The following PCDH9 variants were observed in gnomAD, a reference collection of about 807,000 sequenced individuals.
PCDH9 encodes the protein protocadherin 9.
A neutral mutation model predicts 70.6 loss-of-function variants in PCDH9; 24 were observed. The observed-to-expected ratio is 0.34, with a 90% CI of 0.25 to 0.48. The LOEUF (loss-of-function observed/expected upper bound fraction) is 0.48. Among genes scored for constraint, PCDH9 ranks in the 20% least tolerant of loss-of-function variants. The probability of loss-of-function intolerance (pLI) is 0.99; values close to 1 mark genes in which losing one functional copy is unlikely to be tolerated. For missense variants in PCDH9, 1,281 were observed against 1,503.6 expected, an observed-to-expected ratio of 0.85 and a Z score of 2.45; for synonymous variants, 562 against 558.5, an observed-to-expected ratio of 1.01 and a Z score of -0.09.
chr13:66,478,877 A>C (rs1490770926), intron 4 of PCDH9, among the ~76,000 whole-genome samples: 1 of 152,248 alleles, frequency 6.6e-6, no homozygotes, highest in African/African-American at 2.4e-5. Context: ...CAATGGCTAC[A>C]CTAAAAAACA....
intron 3 of PCDH9, among the ~76,000 whole-genome samples, chr13:66,835,123 A>G (rs2080993999): frequency 6.6e-6 from 1 of 152,234 alleles, no homozygotes; most frequent in African/African-American, 2.4e-5. Context: ...CCAAATTGAC[A>G]TAGTCACTGA....
intron 3 of PCDH9, among the ~76,000 whole-genome samples, chr13:66,885,417 T>C (rs934584268): frequency 9.9e-5 from 15 of 152,218 alleles, no homozygotes; most frequent in Non-Finnish European, 2.9e-5. Context: ...AGCAATATGC[T>C]AGTACATGTA....
At chr13:67,177,436 C>G (rs561621067) in intron 2 of PCDH9, among the ~76,000 whole-genome samples, 8 of 152,056 alleles carry the variant, frequency 5.3e-5, no homozygotes, top group African/African-American at 7.2e-5. Context: ...TCCCAAGAGG[C>G]TCTTTACCAA....
chr13:66,413,483 G>A (rs551774708), intron 4 of PCDH9, among the ~76,000 whole-genome samples: 3 of 152,036 alleles, frequency 2.0e-5, no homozygotes, highest in African/African-American at 2.4e-5. Context: ...TCAGGAGATC[G>A]AGACCATCCT....
intron 2 of PCDH9, among the ~76,000 whole-genome samples, chr13:67,063,737 C>A (rs1461657535): frequency 1.3e-5 from 2 of 152,090 alleles, no homozygotes; most frequent in Non-Finnish European, 2.9e-5. Flanking sequence ...AAATTAATGA[C>A]ATAGAGCTAA....
intron 2 of PCDH9, among the ~76,000 whole-genome samples, chr13:66,915,226 T>C (rs1385490378): frequency 3.3e-5 from 5 of 151,686 alleles, no homozygotes; most frequent in Non-Finnish European, 7.4e-5. Flanking sequence ...AAAAGCAATA[T>C]ATACATTCTA....
intron 4 of PCDH9, among the ~76,000 whole-genome samples, chr13:66,469,291 C>CA (rs988509345): frequency 2.6e-5 from 4 of 151,940 alleles, no homozygotes; most frequent in Non-Finnish European, 4.4e-5. Context: ...TTTGCTGCGA[C>CA]AAAACCACAT....
chr13:66,608,790 A>T (rs1381751195), intron 4 of PCDH9, among the ~76,000 whole-genome samples: 2 of 152,168 alleles, frequency 1.3e-5, no homozygotes, highest in Non-Finnish European at 2.9e-5. Context: ...AGAGAGCAAC[A>T]GTTCTTAATA....
At chr13:67,027,245 C>T (rs1210188787) in intron 2 of PCDH9, among the ~76,000 whole-genome samples, 2 of 152,070 alleles carry the variant, frequency 1.3e-5, no homozygotes, top group African/African-American at 4.8e-5. Flanking sequence ...GAACAGAGCC[C>T]TCAGAAATAA....
chr13:67,054,351 C>T (rs2138105988), intron 2 of PCDH9, among the ~76,000 whole-genome samples: 1 of 152,242 alleles, frequency 6.6e-6, no homozygotes, highest in South Asian at 2.1e-4. Context: ...CACAGACAAG[C>T]AGACAAAGAC....
At chr13:67,174,541 G>A (rs1203629300) in intron 2 of PCDH9, among the ~76,000 whole-genome samples, 1 of 152,148 alleles carries the variant, frequency 6.6e-6, no homozygotes, top group Admixed American at 6.6e-5. Context: ...AGTGACGTGA[G>A]ATAAGATTAT....
chr13:66,909,048 C>T (rs1437918045), intron 2 of PCDH9, among the ~76,000 whole-genome samples: 1 of 151,906 alleles, frequency 6.6e-6, no homozygotes, highest in Non-Finnish European at 1.5e-5. Flanking sequence ...CTATAGTATA[C>T]AGAGTCTGTT....
chr13:66,423,008 A>T (rs1174687716), intron 4 of PCDH9, among the ~76,000 whole-genome samples: 2 of 152,188 alleles, frequency 1.3e-5, no homozygotes, highest in African/African-American at 2.4e-5. Context: ...ACAAACTACC[A>T]TCAAAAAATA....
Position 66,454,155 on chromosome 13 carries a change from T to C in PCDH9, c.3341-149127A>G, listed in dbSNP as rs188432924. ...CCCCAAATAAGACTTGTTTTTTTCT[T>C]TTTTTTTAAAAAAAGCATTTTCTTT... is the stretch of plus-strand genomic sequence containing the variant. On this transcript the variant is annotated intron_variant, in intron 4 of 4. Coordinates refer to ENST00000377865, the MANE Select transcript of PCDH9 (RefSeq NM_203487.3). Among the ~76,000 whole-genome samples the C allele has an allele frequency of 3.6e-3, 539 of 151,800 alleles. 4 individuals carry two copies. The highest frequency in any genetic ancestry group is 0.013 in the African/African-American group (520 of 41,490).
chr13:66,805,353 T>G (rs545135261), intron 3 of PCDH9, among the ~76,000 whole-genome samples: 97 of 152,280 alleles, frequency 6.4e-4, no homozygotes, highest in African/African-American at 2.3e-3. Context: ...CAAGTCCTAA[T>G]GCAATAATTC....
chr13:67,183,248 C>T (rs2088663527), intron 2 of PCDH9, among the ~76,000 whole-genome samples: 2 of 152,102 alleles, frequency 1.3e-5, no homozygotes, highest in East Asian at 1.9e-4. Context: ...ATTTCTACCA[C>T]GTCCAACCAT....
At chr13:66,688,014 T>G (rs1031966593) in intron 3 of PCDH9, among the ~76,000 whole-genome samples, 1 of 152,134 alleles carries the variant, frequency 6.6e-6, no homozygotes, top group Non-Finnish European at 1.5e-5. Flanking sequence ...AATGGTTTTT[T>G]GTCTGTACTT....
At chr13:66,594,710 T>G (rs1177022408) in intron 4 of PCDH9, among the ~76,000 whole-genome samples, 2 of 151,522 alleles carry the variant, frequency 1.3e-5, no homozygotes, top group South Asian at 4.2e-4. Context: ...CCTGTTGTGT[T>G]CTCATTGTTC....
rs561772509 is a variant in PCDH9 at position 66,939,523 on chromosome 13, G to A, written c.3037-35918C>T. On this transcript the variant is annotated intron_variant, in intron 2 of 4. Transcript: ENST00000377865. Reference sequence around the variant, plus strand: ...TCTCTGCTCACTGCAATCTCCGTCCGCCTCCCAGGTTCAAGTGATTCTCCT... The same window carrying A: ...TCTCTGCTCACTGCAATCTCCGTCCACCTCCCAGGTTCAAGTGATTCTCCT... Among the ~76,000 whole-genome samples, 29 of 151,232 alleles carry A rather than the reference G, an allele frequency of 1.9e-4. 1 individual carries two copies. The South Asian group carries it at 4.2e-3, about 22-fold the overall frequency.
Sources: allele counts gnomAD v4.1 joint callset (sites outside exome capture counted in the v4.1 genomes callset), GRCh38; gene constraint gnomAD v4.1.1; transcripts MANE v1.5; gene names NCBI Gene and HGNC (gene_info 2026-07-23, HGNC 2026-07-21).